Variants in ZNF248 observed in about 807,000 individuals in gnomAD.
The protein encoded by ZNF248 is zinc finger protein 248.
ZNF248 carries 20 observed loss-of-function variants against 44.3 expected under a neutral mutation model. The observed-to-expected ratio is 0.45, with a 90% CI of 0.32 to 0.66. The LOEUF (loss-of-function observed/expected upper bound fraction) is 0.66. Among genes scored for constraint, ZNF248 ranks in the 30% least tolerant of loss-of-function variants. The probability of loss-of-function intolerance (pLI) is 0.04; values close to 1 mark genes in which losing one functional copy is unlikely to be tolerated. For synonymous variants in ZNF248, 224 were observed against 229.0 expected (o/e 0.98, Z 0.20); for missense variants, 654 against 677.0 (o/e 0.97, Z 0.38).
At chr10:37,806,325 C>G (rs568557964) in intron 6 of ZNF248, among the ~76,000 whole-genome samples, 6 of 152,304 alleles carry the variant, frequency 3.9e-5, no homozygotes, top group African/African-American at 1.2e-4. Context: ...ACATTCCTAT[C>G]AACAATGCAC....
the ZNF248 span, among the ~76,000 whole-genome samples, chr10:37,766,342 A>T: frequency 1.3e-5 from 2 of 152,194 alleles, no homozygotes; most frequent in African/African-American, 4.8e-5. Context: ...AAGCAATCTA[A>T]CTGGGAGGCA....
At chr10:37,848,019 C>T (rs1385518676) in intron 3 of ZNF248, among the ~76,000 whole-genome samples, 5 of 151,112 alleles carry the variant, frequency 3.3e-5, no homozygotes, top group Admixed American at 1.3e-4. Flanking sequence ...GCCTGTAATC[C>T]CAGCACTTTG....
chr10:37,844,897 CCTTTT>C (rs1172525199), intron 3 of ZNF248, among the ~76,000 whole-genome samples: 2 of 152,072 alleles, frequency 1.3e-5, no homozygotes, highest in Non-Finnish European at 2.9e-5. Context: ...TCCTTCCTTT[CCTTTT>C]CTTTTCCCTT....
rs2133911548 is a variant in ZNF248, at chr10:37,832,306, T to C, written c.1049A>G (p.Lys350Arg). The change falls in exon 6 of 6, where the codon AAG becomes AGG. Residue 350 changes from lysine to arginine, a missense_variant. Transcript: ENST00000395867. ...LKHQIVHMGG[K>R]SYDYNENGSN... ...CCCATTTTCATTGTAATCATAAGAC[T>C]TTCCCCCCATGTGTACTATTTGATG... The C allele has an allele frequency of 1.2e-6, 2 of 1,614,062 alleles. No individual in the cohort carries two copies. Among genetic ancestry groups the C allele is most frequent in the Non-Finnish European group, 1.7e-6 (2 of 1,179,958 alleles).
the ZNF248 span, among the ~76,000 whole-genome samples, chr10:37,765,928 C>T: frequency 1.2e-4 from 18 of 152,348 alleles, no homozygotes; most frequent in Middle Eastern, 3.4e-3. Context: ...ACTTTTCCAA[C>T]GGGCTTAAAA....
rs1304950340 is a variant in ZNF248 at position 37,838,047 on chromosome 10, G to A, written c.80C>T (p.Pro27Leu). ...ATCTCTGTATAGAATCTTCTGAGCA[G>A]GGTCCAGCAGATACCACTCTTCCTG... The part of the protein sequence containing the change: ...FTQEEWYLLD[P>L]AQKILYRDVI... Residue 27 changes from proline (P) to leucine (L), a missense_variant, in exon 4 of 6, where the codon CCT (proline) becomes CTT (leucine). Coordinates refer to ENST00000395867, the MANE Select transcript of ZNF248 (RefSeq NM_021045.3). 3 of 1,613,480 alleles carry A rather than the reference G, an allele frequency of 1.9e-6. No homozygotes were observed. Among genetic ancestry groups the A allele is most frequent in the Non-Finnish European group, 2.5e-6 (3 of 1,179,640 alleles).
At position 37,786,468 on chromosome 10, in the gene ZNF248, A is replaced by G. The variant is rs529953989; in HGVS notation, c.331-9893T>C. On this transcript the variant is annotated intron_variant, in intron 6 of 6. Coordinates refer to the ZNF248 transcript ENST00000615949. Reference sequence around the variant, plus strand: ...TCCAATAGCCTACTATTTAGTTCCAAGACAACCCAGTAAAAATTAGAAAAA... The same window carrying G: ...TCCAATAGCCTACTATTTAGTTCCAGGACAACCCAGTAAAAATTAGAAAAA... Among the ~76,000 whole-genome samples the G allele has an allele frequency of 2.6e-5, 4 of 152,304 alleles. No homozygotes were observed. The East Asian group carries it at 7.7e-4, about 29-fold the overall frequency.
At chr10:37,848,229 C>T (rs992794039) in intron 3 of ZNF248, among the ~76,000 whole-genome samples, 5 of 151,510 alleles carry the variant, frequency 3.3e-5, no homozygotes, top group Admixed American at 6.6e-5. Context: ...GTCAACATCA[C>T]GCCACTGCAC....
chr10:37,805,973 ATC>A (rs769906501), intron 6 of ZNF248, among the ~76,000 whole-genome samples: 8 of 152,302 alleles, frequency 5.3e-5, no homozygotes, highest in Non-Finnish European at 1.0e-4. Flanking sequence ...GCATTTGAGT[ATC>A]TGTTTTCATT....
chr10:37,764,442 G>C, the ZNF248 span, among the ~76,000 whole-genome samples: 2 of 152,080 alleles, frequency 1.3e-5, no homozygotes, highest in African/African-American at 4.8e-5. Flanking sequence ...ATTTCGCCCT[G>C]CCTCCATTTG....
At chr10:37,834,186 ATC>A (rs1377395131) in intron 5 of ZNF248, among the ~76,000 whole-genome samples, 1 of 152,130 alleles carries the variant, frequency 6.6e-6, no homozygotes, top group Non-Finnish European at 1.5e-5. Flanking sequence ...GATAGCAAAA[ATC>A]TCTATAACAT....
chr10:37,794,053 AT>A (rs1690649380), intron 6 of ZNF248, among the ~76,000 whole-genome samples: 1 of 152,276 alleles, frequency 6.6e-6, no homozygotes, highest in African/African-American at 2.4e-5. Flanking sequence ...TGATTTGTTG[AT>A]TATGATTATT....
chr10:37,820,163 G>T, intron 6 of ZNF248: 1 of 1,176,416 alleles, frequency 8.5e-7, no homozygotes, highest in Non-Finnish European at 1.3e-6. Flanking sequence ...TCCTTCTTAA[G>T]TCAGAATTCT....
At chr10:37,758,599 C>A in the ZNF248 span, among the ~76,000 whole-genome samples, 1 of 152,178 alleles carries the variant, frequency 6.6e-6, no homozygotes, top group Admixed American at 6.5e-5. Flanking sequence ...CTATTCCAAG[C>A]CAATGCCACA....
chr10:37,822,236 A>T (rs1184824014), intron 6 of ZNF248, among the ~76,000 whole-genome samples: 2 of 152,216 alleles, frequency 1.3e-5, no homozygotes, highest in African/African-American at 4.8e-5. Context: ...CTTAAATAAC[A>T]GCCTTGTCTA....
chr10:37,820,146 T>C (rs2053217010), intron 6 of ZNF248: 9 of 1,101,948 alleles, frequency 8.2e-6, no homozygotes, highest in Non-Finnish European at 1.1e-5. Context: ...AATCATCTAT[T>C]CTTCCCTCCT....
chr10:37,778,613 G>C (rs998057554), intron 6 of ZNF248, among the ~76,000 whole-genome samples: 43 of 152,104 alleles, frequency 2.8e-4, no homozygotes, highest in Non-Finnish European at 5.6e-4. Flanking sequence ...TCATTGCTAT[G>C]TCCTGAATGG....
In ZNF248 at chr10:37,799,749, A is replaced by G. The variant is rs182085886; in HGVS notation, c.331-23174T>C. Among the ~76,000 whole-genome samples the G allele has an allele frequency of 7.2e-5, 11 of 152,330 alleles. No individual in the cohort carries two copies. The East Asian group carries it at 2.1e-3, about 29-fold the overall frequency. ...ACACACAGACATAGTAATACATGTA[A>G]TGATAACTGTGGCATTATAATTCAC... On this transcript the variant is annotated intron_variant, in intron 6 of 6. Coordinates refer to the ZNF248 transcript ENST00000615949.
At chr10:37,851,165 T>C (rs1336825323) in intron 3 of ZNF248, among the ~76,000 whole-genome samples, 1 of 152,124 alleles carries the variant, frequency 6.6e-6, no homozygotes, top group Non-Finnish European at 1.5e-5. Flanking sequence ...ATATGAAGAA[T>C]TGTTGAGCTG....
Sources: allele counts gnomAD v4.1 joint callset (sites outside exome capture counted in the v4.1 genomes callset), GRCh38; gene constraint gnomAD v4.1.1; transcripts MANE v1.5; gene names NCBI Gene and HGNC (gene_info 2026-07-23, HGNC 2026-07-21).